The following SPON1 variants were observed in gnomAD, a reference collection of about 807,000 sequenced individuals.
SPON1 encodes the protein spondin 1, also known as spondin-1.
SPON1 carries 52 observed loss-of-function variants against 111.7 expected under a neutral mutation model. That is an observed-to-expected ratio of 0.47 (90% CI 0.37 to 0.59). SPON1 has a LOEUF of 0.59. Among genes scored for constraint, SPON1 ranks in the 20% least tolerant of loss-of-function variants. SPON1 has a pLI of 0.00. For synonymous variants in SPON1, 410 were observed against 395.8 expected (o/e 1.04, Z -0.43); for missense variants, 957 against 1,068.5 (o/e 0.90, Z 1.46).
intron 2 of SPON1, among the ~76,000 whole-genome samples, chr11:14,041,147 T>C (rs1453419210): frequency 4.6e-5 from 7 of 152,206 alleles, no homozygotes; most frequent in Admixed American, 2.0e-4. Flanking sequence ...GTAGCTGAGT[T>C]ATGAAGTTTT....
intron 6 of SPON1, among the ~76,000 whole-genome samples, chr11:14,149,624 G>A (rs2133867682): frequency 6.6e-6 from 1 of 152,256 alleles, no homozygotes; most frequent in South Asian, 2.1e-4. Flanking sequence ...TTCCAGTCCT[G>A]CAAGCTCCAT....
intron 7 of SPON1, among the ~76,000 whole-genome samples, chr11:14,253,696 T>TCAGG (rs1386993764): frequency 1.3e-5 from 2 of 152,150 alleles, no homozygotes; most frequent in Non-Finnish European, 2.9e-5. Flanking sequence ...GGGTGCAGAG[T>TCAGG]CAGGCCAAGC....
At chr11:14,021,333 A>G (rs1442110835) in intron 2 of SPON1, among the ~76,000 whole-genome samples, 4 of 152,162 alleles carry the variant, frequency 2.6e-5, no homozygotes, top group African/African-American at 9.7e-5. Context: ...AGGAAATTCC[A>G]TAGGCCAAGA....
At chr11:14,200,236 G>A (rs1554935471) in intron 6 of SPON1, among the ~76,000 whole-genome samples, 5 of 152,070 alleles carry the variant, frequency 3.3e-5, no homozygotes, top group African/African-American at 1.2e-4. Flanking sequence ...TGTGTGCTAG[G>A]GAATAAGCTC....
intron 2 of SPON1, among the ~76,000 whole-genome samples, chr11:14,040,611 T>C (rs1848624688): frequency 6.6e-6 from 1 of 152,192 alleles, no homozygotes; most frequent in Non-Finnish European, 1.5e-5. Flanking sequence ...AGAAAAGGAA[T>C]TTTTAAAAGT....
intron 2 of SPON1, among the ~76,000 whole-genome samples, chr11:14,001,196 G>A (rs1189935303): frequency 1.3e-5 from 2 of 152,262 alleles, no homozygotes; most frequent in South Asian, 2.1e-4. Context: ...AATGGTAGGA[G>A]GACTTAAAGG....
chr11:14,199,733 C>A (rs1386852705), intron 6 of SPON1, among the ~76,000 whole-genome samples: 1 of 152,248 alleles, frequency 6.6e-6, no homozygotes, highest in Non-Finnish European at 1.5e-5. Flanking sequence ...TATGTATGTG[C>A]ATTCAGAGGT....
intron 6 of SPON1, among the ~76,000 whole-genome samples, chr11:14,140,225 A>G (rs1847637831): frequency 1.3e-5 from 2 of 152,106 alleles, no homozygotes; most frequent in Non-Finnish European, 2.9e-5. Flanking sequence ...CTAGTCCTTC[A>G]TTAGGGCTAC....
At chr11:14,022,246 C>T (rs950533428) in intron 2 of SPON1, among the ~76,000 whole-genome samples, 3 of 152,172 alleles carry the variant, frequency 2.0e-5, no homozygotes, top group Admixed American at 6.5e-5. Flanking sequence ...CAGCTGAGCT[C>T]CCAAGTACAG....
intron 3 of SPON1, among the ~76,000 whole-genome samples, chr11:14,068,154 C>T (rs960365887): frequency 4.6e-5 from 7 of 152,092 alleles, no homozygotes; most frequent in South Asian, 2.1e-4. Flanking sequence ...TTTGGGCAGA[C>T]GGGTAAGTTG....
chr11:14,061,081 A>T (rs1848788049), intron 3 of SPON1, among the ~76,000 whole-genome samples: 1 of 152,264 alleles, frequency 6.6e-6, no homozygotes, highest in Non-Finnish European at 1.5e-5. Context: ...TAGTTCATTA[A>T]TGCACACAGG....
At chr11:14,138,687 C>T (rs1423823723) in intron 6 of SPON1, among the ~76,000 whole-genome samples, 1 of 152,124 alleles carries the variant, frequency 6.6e-6, no homozygotes, top group Non-Finnish European at 1.5e-5. Flanking sequence ...GGAAAGTGAG[C>T]TTATGAATAC....
intron 6 of SPON1, among the ~76,000 whole-genome samples, chr11:14,189,130 G>T (rs538367863): frequency 6.6e-6 from 1 of 152,162 alleles, no homozygotes; most frequent in Admixed American, 6.5e-5. Flanking sequence ...GCACAAAGAG[G>T]TTCAATGCAC....
At chr11:14,110,655 G>A (rs1389097439) in intron 5 of SPON1, among the ~76,000 whole-genome samples, 1 of 152,188 alleles carries the variant, frequency 6.6e-6, no homozygotes, top group African/African-American at 2.4e-5. Context: ...CTCCTGGAAG[G>A]CCACTGGTGC....
At chr11:14,087,111 A>ATT (rs144396390) in intron 5 of SPON1, among the ~76,000 whole-genome samples, 17 of 151,588 alleles carry the variant, frequency 1.1e-4, no homozygotes, top group African/African-American at 3.6e-4. Context: ...GGATTCACTG[A>ATT]TTTTTTTTAA....
chr11:13,996,343 C>T (rs1848272234), intron 2 of SPON1, among the ~76,000 whole-genome samples: 1 of 152,192 alleles, frequency 6.6e-6, no homozygotes, highest in Non-Finnish European at 1.5e-5. Context: ...CTTAAAATTG[C>T]CGTGTGAAAA....
intron 5 of SPON1, among the ~76,000 whole-genome samples, chr11:14,102,239 T>C (rs980294131): frequency 6.6e-6 from 1 of 152,192 alleles, no homozygotes; most frequent in South Asian, 2.1e-4. Flanking sequence ...ATCACTATAA[T>C]GTAAACCACA....
intron 6 of SPON1, among the ~76,000 whole-genome samples, chr11:14,175,853 C>T (rs1554933024): frequency 6.6e-6 from 1 of 152,150 alleles, no homozygotes; most frequent in Non-Finnish European, 1.5e-5. Flanking sequence ...GAACCATAGG[C>T]AAGGTTCTTA....
intron 5 of SPON1, among the ~76,000 whole-genome samples, chr11:14,112,095 C>G (rs74780722): frequency 0.021 from 2,966 of 143,286 alleles, 100 homozygotes; most frequent in African/African-American, 0.072. Context: ...GCTCCTAGGC[C>G]AAAATTTGCA....
Sources: allele counts gnomAD v4.1 joint callset (sites outside exome capture counted in the v4.1 genomes callset), GRCh38; gene constraint gnomAD v4.1.1; transcripts MANE v1.5; gene names NCBI Gene and HGNC (gene_info 2026-07-23, HGNC 2026-07-21).